The following YY1 variants were observed in gnomAD, a reference collection of about 807,000 sequenced individuals.
YY1 encodes the protein transcriptional repressor protein YY1.
Under a neutral mutation model 35.6 loss-of-function variants are expected in YY1, and 2 were observed. That is an observed-to-expected ratio of 0.06 (90% CI 0.02 to 0.18). The LOEUF is 0.18. YY1 is among the 10% of genes least tolerant of loss of function. The pLI, the probability that YY1 is intolerant of heterozygous loss-of-function variation, is 1.00. For synonymous variants in YY1, 268 were observed against 238.9 expected, an observed-to-expected ratio of 1.12 and a Z score of -1.12; for missense variants, 322 against 573.4, an observed-to-expected ratio of 0.56 and a Z score of 4.48.
intron 2 of YY1, among the ~76,000 whole-genome samples, chr14:100,265,829 C>T (rs1891146416): frequency 6.6e-6 from 1 of 151,852 alleles, no homozygotes; most frequent in Non-Finnish European, 1.5e-5. Context: ...TTGTATTTTT[C>T]ATAGAGACAA....
chr14:100,239,509 C>G lies in YY1; in HGVS notation c.265C>G (p.Leu89Val), dbSNP rs765758223. The G allele has an allele frequency of 8.7e-6, 14 of 1,610,922 alleles. No homozygotes were observed. The highest frequency in any genetic ancestry group is 1.1e-5 in the South Asian group (1 of 90,970). The change falls in exon 1 of 5, where the codon CTG (leucine) becomes GTG (valine). Residue 89 changes from leucine (L) to valine (V), a missense_variant. Coordinates refer to ENST00000262238, the MANE Select transcript of YY1 (RefSeq NM_003403.5). ...CCCGCCCATGATCGCTCTGCAGCCG[C>G]TGGTCACCGACGACCCGACCCAGGT... ...HHPPMIALQP[L>V]VTDDPTQVHH...
intron 1 of YY1, among the ~76,000 whole-genome samples, chr14:100,242,119 C>G (rs1359223259): frequency 6.6e-6 from 1 of 151,854 alleles, no homozygotes; most frequent in Admixed American, 6.6e-5. Flanking sequence ...AGTAAATTTA[C>G]TTTTTCTCAT....
At chr14:100,258,138 A>AT (rs1352955774) in intron 1 of YY1, among the ~76,000 whole-genome samples, 2 of 152,088 alleles carry the variant, frequency 1.3e-5, no homozygotes, top group Admixed American at 1.3e-4. Flanking sequence ...TCAAAAAAAA[A>AT]AGAAAAGAAA....
At chr14:100,272,954 G>GTTGTTTTTTTTTTTTTTTTT in intron 2 of YY1, among the ~76,000 whole-genome samples, 1 of 141,202 alleles carries the variant, frequency 7.1e-6, no homozygotes, top group Non-Finnish European at 1.5e-5. Context: ...GTTTTTTGTT[G>GTTGTTTTTTTTTTTTTTTTT]TTTTTTTTTT....
At chr14:100,270,956 A>C (rs1359656159) in intron 2 of YY1, among the ~76,000 whole-genome samples, 1 of 152,200 alleles carries the variant, frequency 6.6e-6, no homozygotes. Flanking sequence ...ACTTAAAAAA[A>C]AAAAATAGGC....
At position 100,277,409 on chromosome 14, in the gene YY1, C is replaced by T. The variant is rs1208288838; in HGVS notation, c.1063-9C>T. 20 of 1,614,224 alleles carry T rather than the reference C, an allele frequency of 1.2e-5. No homozygotes were observed. The highest frequency in any genetic ancestry group is 1.7e-5 in the Non-Finnish European group (20 of 1,180,050). ...CTGAGTGGGTTGATCTCTGGTCTTT[C>T]CTTGACAGTGCACGTTCGAAGGCTG... On this transcript the variant is annotated splice_polypyrimidine_tract_variant and intron_variant, in intron 4 of 4. Transcript: ENST00000262238. The surrounding 1 kb of genome is among the most constrained non-coding windows in gnomAD (Gnocchi z 5.6).
chr14:100,277,275 A>G lies in YY1; in HGVS notation c.1063-143A>G, dbSNP rs1360486771. 1.9e-6 allele frequency: 2 copies of G among 1,048,972 alleles called. No individual in the cohort carries two copies. The highest frequency in any genetic ancestry group is 2.9e-6 in the Non-Finnish European group (2 of 697,008). 65.0% of individuals were successfully genotyped at this position (1,048,972 alleles called of 1,614,324 possible). A position where few individuals can be genotyped will look rare whatever the true frequency, so the allele number is the denominator to read the frequency against. On this transcript the variant is annotated intron_variant, in intron 4 of 4. Transcript: ENST00000262238. The surrounding 1 kb of genome is among the most constrained non-coding windows in gnomAD (Gnocchi z 5.6). ...CCAACCTGCCTGCTGATTCTAGACT[A>G]TATCCACAAAGTTCACCCAGGGCAG...
chr14:100,240,045 T>A (rs1158304302), intron 1 of YY1, 122 bp downstream of exon 1: 3 of 716,178 alleles, frequency 4.2e-6, no homozygotes, highest in Non-Finnish European at 3.7e-6. Context: ...CCCCAAAAGA[T>A]GGCGGGCCGT....
chr14:100,274,305 T>C (rs1031194707), intron 2 of YY1, among the ~76,000 whole-genome samples: 1 of 152,244 alleles, frequency 6.6e-6, no homozygotes, highest in Non-Finnish European at 1.5e-5. Flanking sequence ...CAGCTGCCTT[T>C]GGAAATCTTC....
At chr14:100,270,074 A>G (rs1008606471) in intron 2 of YY1, among the ~76,000 whole-genome samples, 1 of 151,510 alleles carries the variant, frequency 6.6e-6, no homozygotes, top group Non-Finnish European at 1.5e-5. Flanking sequence ...CATCCTGGCT[A>G]GCACGGTAAA....
At chr14:100,241,733 G>T (rs1265235331) in intron 1 of YY1, among the ~76,000 whole-genome samples, 1 of 152,178 alleles carries the variant, frequency 6.6e-6, no homozygotes, top group African/African-American at 2.4e-5. Context: ...CCAGCAGTTT[G>T]GGAGGCTGAG....
At chr14:100,255,624 A>T (rs1890994670) in intron 1 of YY1, among the ~76,000 whole-genome samples, 1 of 152,226 alleles carries the variant, frequency 6.6e-6, no homozygotes, top group South Asian at 2.1e-4. Flanking sequence ...CCATCTCAGG[A>T]AAAATAAATA....
intron 1 of YY1, among the ~76,000 whole-genome samples, chr14:100,252,787 C>T (rs1890942474): frequency 6.6e-6 from 1 of 152,124 alleles, no homozygotes; most frequent in African/African-American, 2.4e-5. Context: ...CCTCTAACCC[C>T]AGGGATTTGG....
chr14:100,262,799 AT>A (rs1891102903), intron 2 of YY1, among the ~76,000 whole-genome samples: 1 of 152,208 alleles, frequency 6.6e-6, no homozygotes, highest in Admixed American at 6.5e-5. Flanking sequence ...TTGCAGTAAG[AT>A]GAAGCAAATA....
At chr14:100,272,965 G>GTTTTTTTTTTTTTTTT (rs368896214) in intron 2 of YY1, among the ~76,000 whole-genome samples, 1 of 127,706 alleles carries the variant, frequency 7.8e-6, no homozygotes. Context: ...TTTTTTTTTT[G>GTTTTTTTTTTTTTTTT]TTTTTTTTTT....
chr14:100,248,064 C>T (rs1025413866), intron 1 of YY1, among the ~76,000 whole-genome samples: 1 of 151,546 alleles, frequency 6.6e-6, no homozygotes, highest in African/African-American at 2.4e-5. Flanking sequence ...CCTGCCTCAG[C>T]CTCCTGAGTA....
intron 1 of YY1, among the ~76,000 whole-genome samples, chr14:100,247,113 A>G (rs1472601784): frequency 2.0e-5 from 3 of 152,214 alleles, no homozygotes; most frequent in Non-Finnish European, 2.9e-5. Flanking sequence ...GGAAGAGGGT[A>G]AATTTTTTAA....
chr14:100,273,645 G>A (rs186654043), intron 2 of YY1, among the ~76,000 whole-genome samples: 7 of 151,872 alleles, frequency 4.6e-5, no homozygotes, highest in Middle Eastern at 3.4e-3. Context: ...GATTACAGGC[G>A]TGACCCACCA....
chr14:100,241,826 T>C (rs1890747817), intron 1 of YY1, among the ~76,000 whole-genome samples: 1 of 151,952 alleles, frequency 6.6e-6, no homozygotes, highest in Non-Finnish European at 1.5e-5. Flanking sequence ...ATATAAAAAT[T>C]AGCCAGGCGT....
Sources: allele counts gnomAD v4.1 joint callset (sites outside exome capture counted in the v4.1 genomes callset), GRCh38; gene constraint gnomAD v4.1.1; non-coding constraint Gnocchi (gnomAD v3.1); transcripts MANE v1.5; gene names NCBI Gene and HGNC (gene_info 2026-07-23, HGNC 2026-07-21).